Variants in FMN1 observed in about 807,000 individuals in gnomAD.
FMN1 encodes formin 1.
A neutral mutation model predicts 132.4 loss-of-function variants in FMN1; 110 were observed. That is an observed-to-expected ratio of 0.83 (90% CI 0.71 to 0.97). The LOEUF (loss-of-function observed/expected upper bound fraction) is 0.97. Ranked by LOEUF, FMN1 falls within the 50% of genes least tolerant of loss-of-function variation. The pLI, the probability that FMN1 is intolerant of heterozygous loss-of-function variation, is 0.00. For missense variants in FMN1, 1,792 were observed against 1,705.3 expected, an observed-to-expected ratio of 1.05 and a Z score of -0.90; for synonymous variants, 722 against 651.7, an observed-to-expected ratio of 1.11 and a Z score of -1.64.
intron 9 of FMN1, among the ~76,000 whole-genome samples, chr15:32,950,073 ATATATATT>A: frequency 6.0e-5 from 7 of 116,184 alleles, no homozygotes; most frequent in African/African-American, 1.9e-4. Context: ...ATATATATAT[ATATATATT>A]AAAAAGCTCA....
intron 10 of FMN1, among the ~76,000 whole-genome samples, chr15:32,917,012 G>C (rs527867967): frequency 6.6e-6 from 1 of 152,216 alleles, no homozygotes; most frequent in East Asian, 1.9e-4. Flanking sequence ...GGGGTTCATG[G>C]GAAGAGGCAG....
intron 17 of FMN1, among the ~76,000 whole-genome samples, chr15:32,815,445 T>C (rs963542842): frequency 2.6e-5 from 4 of 152,196 alleles, no homozygotes; most frequent in African/African-American, 7.2e-5. Flanking sequence ...TTATCTATGA[T>C]ATTTAGGGCC....
chr15:33,180,100 A>C (rs544474465), intron 3 of FMN1, 98 bp downstream of exon 3: 1 of 152,452 alleles, frequency 6.6e-6, no homozygotes, highest in East Asian at 1.9e-4. Flanking sequence ...GGCAGGAATC[A>C]GAACCCTGTG....
intron 6 of FMN1, among the ~76,000 whole-genome samples, chr15:33,059,267 T>TA (rs71424688): frequency 6.6e-6 from 1 of 152,158 alleles, no homozygotes; most frequent in Admixed American, 6.5e-5. Context: ...TGTATATATA[T>TA]AACATAGTTT....
At chr15:33,102,848 G>T (rs1374289898) in intron 4 of FMN1, among the ~76,000 whole-genome samples, 3 of 152,032 alleles carry the variant, frequency 2.0e-5, no homozygotes, top group Non-Finnish European at 4.4e-5. Context: ...GTAAAGAAAT[G>T]TACTTTTAGC....
intron 12 of FMN1, 139 bp from the exon 13 acceptor site, chr15:32,902,179 C>T (rs2060314208): frequency 9.0e-6 from 6 of 665,326 alleles, no homozygotes; most frequent in Middle Eastern, 8.1e-4. Flanking sequence ...TAGGTAGACT[C>T]AAGGAATTCC....
At chr15:32,908,681 G>T (rs2060488029) in intron 11 of FMN1, 103 bp from the exon 12 acceptor site, 2 of 688,810 alleles carry the variant, frequency 2.9e-6, no homozygotes, top group African/African-American at 1.8e-5. Flanking sequence ...GTGGTTCCTA[G>T]ACTAGCAGCA....
intron 6 of FMN1, among the ~76,000 whole-genome samples, chr15:33,019,571 C>T (rs1048158918): frequency 5.9e-5 from 9 of 152,172 alleles, no homozygotes; most frequent in South Asian, 2.1e-4. Flanking sequence ...CGCAGAAGCC[C>T]GGGGCGGTGC....
intron 4 of FMN1, among the ~76,000 whole-genome samples, chr15:33,147,213 T>G (rs2444981): frequency 6.6e-6 from 1 of 151,856 alleles, no homozygotes; most frequent in Non-Finnish European, 1.5e-5. Flanking sequence ...CTTTCAATAT[T>G]CAGTACTCTG....
At chr15:32,922,849 C>G (rs1180557023) in intron 10 of FMN1, among the ~76,000 whole-genome samples, 1 of 152,158 alleles carries the variant, frequency 6.6e-6, no homozygotes, top group East Asian at 1.9e-4. Flanking sequence ...ATGCCTGTTT[C>G]TTTGCATTCA....
At chr15:32,915,409 A>C (rs1993132) in intron 10 of FMN1, among the ~76,000 whole-genome samples, 39,744 of 152,222 alleles carry the variant, frequency 0.26, 5,580 homozygotes, top group Non-Finnish European at 0.32. Context: ...TTAGTTAACT[A>C]ATTTGTAATC....
chr15:33,007,383 A>G (rs2140941538), intron 7 of FMN1, among the ~76,000 whole-genome samples: 1 of 152,280 alleles, frequency 6.6e-6, no homozygotes, highest in South Asian at 2.1e-4. Context: ...AGTTATTTGA[A>G]GTTAAGATTC....
At chr15:33,067,581 T>C (rs760727802) in intron 5 of FMN1, 3 of 1,613,820 alleles carry the variant, frequency 1.9e-6, no homozygotes, top group East Asian at 4.5e-5. Context: ...TCTGATTCTG[T>C]CTCCACGCTT....
intron 19 of FMN1, among the ~76,000 whole-genome samples, chr15:32,784,710 C>A (rs760026510): frequency 6.6e-6 from 1 of 152,178 alleles, no homozygotes; most frequent in Non-Finnish European, 1.5e-5. Flanking sequence ...CAGTGTCTGG[C>A]AAATACAGAC....
chr15:33,082,866 T>A (rs980935459), intron 5 of FMN1, among the ~76,000 whole-genome samples: 3 of 152,056 alleles, frequency 2.0e-5, no homozygotes, highest in African/African-American at 7.3e-5. Flanking sequence ...CCCAGTTAAA[T>A]ATGAATTTTA....
At chr15:33,033,922 C>T (rs1462906362) in intron 6 of FMN1, among the ~76,000 whole-genome samples, 1 of 152,136 alleles carries the variant, frequency 6.6e-6, no homozygotes, top group Admixed American at 6.5e-5. Context: ...TTCAGAGCTC[C>T]GTAGTCTCTT....
In FMN1 at chr15:33,005,760, G is replaced by C. The variant is rs535099112; in HGVS notation, c.2223+2254C>G. 4.1e-4 allele frequency among the ~76,000 whole-genome samples: 63 copies of C among 152,240 alleles called. 1 individual carries two copies. The highest frequency in any genetic ancestry group is 1.4e-3 in the Admixed American group (22 of 15,288). On this transcript the variant is annotated intron_variant, in intron 7 of 20. Transcript: ENST00000616417. ...TGCTTACAGAATCACTTCTGTTCCT[G>C]CCCTCTTTAGGAATCTGTGTCTTAA...
intron 9 of FMN1, among the ~76,000 whole-genome samples, chr15:32,962,545 G>T (rs191889985): frequency 6.6e-6 from 1 of 151,002 alleles, no homozygotes; most frequent in Non-Finnish European, 1.5e-5. Flanking sequence ...TACCATTAGA[G>T]TGAACAGGCA....
At chr15:32,794,905 C>T (rs1210157518) in intron 19 of FMN1, among the ~76,000 whole-genome samples, 1 of 152,144 alleles carries the variant, frequency 6.6e-6, no homozygotes, top group African/African-American at 2.4e-5. Context: ...TCTTCAAGAA[C>T]AACATTAGGA....
Sources: allele counts gnomAD v4.1 joint callset (sites outside exome capture counted in the v4.1 genomes callset), GRCh38; gene constraint gnomAD v4.1.1; transcripts MANE v1.5; gene names NCBI Gene and HGNC (gene_info 2026-07-23, HGNC 2026-07-21).